The following NAALADL2 variants were observed in gnomAD, a reference collection of about 807,000 sequenced individuals.
The protein encoded by NAALADL2 is N-acetylated alpha-linked acidic dipeptidase like 2, also known as inactive N-acetylated-alpha-linked acidic dipeptidase-like protein 2.
NAALADL2 carries 76 observed loss-of-function variants against 87.2 expected under a neutral mutation model. The ratio of observed to expected loss-of-function variants is 0.87; its 90% CI spans 0.72 to 1.05. NAALADL2 has a LOEUF of 1.05. NAALADL2 is among the 50% of genes least tolerant of loss of function. NAALADL2 has a pLI of 0.00. For missense variants in NAALADL2, 1,089 were observed against 945.8 expected (o/e 1.15, Z -1.99); for synonymous variants, 354 against 331.0 (o/e 1.07, Z -0.75).
At chr3:175,098,177 G>A (rs9880523) in intron 2 of NAALADL2, among the ~76,000 whole-genome samples, 68,983 of 151,890 alleles carry the variant, frequency 0.45, 15,651 homozygotes, top group East Asian at 0.52. Context: ...TGTGTCTGCT[G>A]TTCCCTTTTG....
chr3:175,382,261 C>T lies in NAALADL2; in HGVS notation c.1090+57936C>T, dbSNP rs561494256. ...TCAAATGGTTCATGAAACAGTATGA[C>T]ATTATTTTACACTTCCTTAAAAATT... On this transcript the variant is annotated intron_variant, in intron 5 of 13. Coordinates refer to ENST00000454872, the MANE Select transcript of NAALADL2 (RefSeq NM_207015.3). 2.6e-5 allele frequency among the ~76,000 whole-genome samples: 4 copies of T among 152,184 alleles called. No individual in the cohort carries two copies. In the South Asian group the frequency reaches 8.3e-4, roughly 32 times the overall value.
intron 9 of NAALADL2, among the ~76,000 whole-genome samples, chr3:175,563,617 T>A (rs1328753182): frequency 6.6e-6 from 1 of 152,186 alleles, no homozygotes; most frequent in Non-Finnish European, 1.5e-5. Context: ...CTTTTAAGTA[T>A]CTATTTTATT....
chr3:175,208,763 G>T (rs542943523), intron 2 of NAALADL2, among the ~76,000 whole-genome samples: 1 of 152,154 alleles, frequency 6.6e-6, no homozygotes, highest in Non-Finnish European at 1.5e-5. Context: ...GGAAAATGGA[G>T]AAGCGCAGTA....
At chr3:175,632,682 A>G (rs1303617868) in intron 11 of NAALADL2, among the ~76,000 whole-genome samples, 3 of 152,036 alleles carry the variant, frequency 2.0e-5, no homozygotes, top group Non-Finnish European at 4.4e-5. Flanking sequence ...ATTATTTCAT[A>G]ATTATTAATT....
At chr3:175,711,150 T>C (rs1041190844) in intron 11 of NAALADL2, among the ~76,000 whole-genome samples, 1 of 151,918 alleles carries the variant, frequency 6.6e-6, no homozygotes, top group Non-Finnish European at 1.5e-5. Context: ...AGAGCCGCTT[T>C]AGAATAATCA....
chr3:175,268,259 T>C (rs559627619), intron 4 of NAALADL2, among the ~76,000 whole-genome samples: 1 of 152,284 alleles, frequency 6.6e-6, no homozygotes, highest in Admixed American at 6.5e-5. Context: ...CTGCAGGCAA[T>C]TATAATGTAG....
intron 9 of NAALADL2, among the ~76,000 whole-genome samples, chr3:175,514,395 A>C (rs897766884): frequency 5.9e-5 from 9 of 152,188 alleles, no homozygotes; most frequent in Non-Finnish European, 1.0e-4. Context: ...CACTCTGAAA[A>C]TATGAGGGTT....
At chr3:175,185,667 G>A (rs1046367404) in intron 2 of NAALADL2, among the ~76,000 whole-genome samples, 17 of 151,260 alleles carry the variant, frequency 1.1e-4, no homozygotes, top group African/African-American at 4.1e-4. Flanking sequence ...TATGATCGTG[G>A]CACTGGGAAT....
At chr3:175,350,085 C>T (rs1480694330) in intron 5 of NAALADL2, among the ~76,000 whole-genome samples, 2 of 149,662 alleles carry the variant, frequency 1.3e-5, no homozygotes, top group African/African-American at 4.9e-5. Flanking sequence ...ACTTAATAGT[C>T]CTTAATTAAG....
intron 2 of NAALADL2, among the ~76,000 whole-genome samples, chr3:174,732,813 T>C (rs913442850): frequency 2.0e-5 from 3 of 152,174 alleles, no homozygotes; most frequent in African/African-American, 7.2e-5. Context: ...AAAATGGCTA[T>C]TAATAATATT....
chr3:174,837,209 G>A (rs540472791), intron 3 of NAALADL2, among the ~76,000 whole-genome samples: 1 of 152,110 alleles, frequency 6.6e-6, no homozygotes, highest in Non-Finnish European at 1.5e-5. Flanking sequence ...GAAAAAGCTG[G>A]TTCTTTGAAA....
intron 2 of NAALADL2, among the ~76,000 whole-genome samples, chr3:174,665,414 C>T (rs1384114476): frequency 1.3e-5 from 2 of 152,068 alleles, no homozygotes; most frequent in Non-Finnish European, 2.9e-5. Flanking sequence ...AACCTCAGCT[C>T]TAATGTTAAG....
At chr3:175,378,941 T>C (rs1767467369) in intron 5 of NAALADL2, among the ~76,000 whole-genome samples, 2 of 152,124 alleles carry the variant, frequency 1.3e-5, no homozygotes, top group African/African-American at 4.8e-5. Context: ...AATCCACCTT[T>C]TCAACATGTC....
intron 1 of NAALADL2, among the ~76,000 whole-genome samples, chr3:174,515,386 T>C (rs1365595739): frequency 6.6e-6 from 1 of 152,078 alleles, no homozygotes; most frequent in Admixed American, 6.5e-5. Context: ...CAAAATCCTC[T>C]TCCTTGAGGA....
chr3:175,461,778 T>C (rs1723170354), intron 6 of NAALADL2, among the ~76,000 whole-genome samples: 1 of 152,192 alleles, frequency 6.6e-6, no homozygotes, highest in South Asian at 2.1e-4. Context: ...GTAAAGAGTC[T>C]ATAAAGTTCA....
chr3:174,915,961 T>C (rs950053847), intron 1 of NAALADL2, among the ~76,000 whole-genome samples: 2 of 152,092 alleles, frequency 1.3e-5, no homozygotes, highest in Non-Finnish European at 2.9e-5. Flanking sequence ...GAAGGAAATA[T>C]TCACAAACTA....
In NAALADL2 at chr3:175,065,038, GA is replaced by G. The variant is rs202017498; in HGVS notation, c.44-31744del. On this transcript the variant is annotated intron_variant, in intron 1 of 13. Coordinates refer to ENST00000454872, the MANE Select transcript of NAALADL2 (RefSeq NM_207015.3). Reference sequence around the variant, plus strand: ...AATAATATATCAGAGTAAAAAGTGAGAAAAAAAATTACAAGTCTTCTAACCA... The same window carrying G: ...AATAATATATCAGAGTAAAAAGTGAGAAAAAAATTACAAGTCTTCTAACCA... 8.4e-3 allele frequency among the ~76,000 whole-genome samples: 1,282 copies of G among 151,824 alleles called. 14 individuals carry two copies. Among genetic ancestry groups the G allele is most frequent in the African/African-American group, 0.03 (1,223 of 41,410 alleles).
chr3:174,690,868 T>C (rs1003638105), intron 2 of NAALADL2, among the ~76,000 whole-genome samples: 2 of 152,152 alleles, frequency 1.3e-5, no homozygotes, highest in African/African-American at 4.8e-5. Context: ...GTAGCGTGTG[T>C]GTATGTGTGT....
At chr3:174,469,903 A>T (rs1231154329) in intron 1 of NAALADL2, among the ~76,000 whole-genome samples, 1 of 151,920 alleles carries the variant, frequency 6.6e-6, no homozygotes, top group Non-Finnish European at 1.5e-5. Flanking sequence ...TTTCATATGA[A>T]CCACTATTTT....
Sources: allele counts gnomAD v4.1 joint callset (sites outside exome capture counted in the v4.1 genomes callset), GRCh38; gene constraint gnomAD v4.1.1; transcripts MANE v1.5; gene names NCBI Gene and HGNC (gene_info 2026-07-23, HGNC 2026-07-21).